FCRL5: variants seen among roughly 807,000 people sequenced by gnomAD.
FCRL5 encodes Fc receptor like 5, also known as Fc receptor-like protein 5.
In FCRL5, 79 loss-of-function variants were observed where a neutral mutation model predicts 92.1. The observed-to-expected ratio is 0.86, with a 90% confidence interval of 0.72 to 1.03. FCRL5 has a LOEUF of 1.03. Among genes scored for constraint, FCRL5 ranks in the 50% least tolerant of loss-of-function variants. The pLI, the probability that FCRL5 is intolerant of heterozygous loss-of-function variation, is 0.00. For missense variants in FCRL5, 1,160 were observed against 1,181.1 expected, an observed-to-expected ratio of 0.98 and a Z score of 0.26; for synonymous variants, 466 against 469.3, an observed-to-expected ratio of 0.99 and a Z score of 0.09.
intron 1 of FCRL5, 83 bp from the exon 2 acceptor site, chr1:157,549,663 A>AATTCCC: frequency 8.0e-7 from 1 of 1,255,284 alleles, no homozygotes; most frequent in Non-Finnish European, 1.1e-6. Flanking sequence ...TTACCCATGC[A>AATTCCC]TGTATTACTT....
In FCRL5 at chr1:157,547,084, T is replaced by A. The variant is rs1222906650; in HGVS notation, c.166A>T (p.Lys56Ter). The A allele has an allele frequency of 1.9e-6, 3 of 1,614,102 alleles. No homozygotes were observed. The highest frequency in any genetic ancestry group is 2.5e-6 in the Non-Finnish European group (3 of 1,180,050). Residue 56 changes from lysine (K) to a stop codon, truncating the protein, a stop_gained, in exon 3 of 17, where the codon AAA (lysine) becomes TAA (stop). Coordinates refer to ENST00000361835, the MANE Select transcript of FCRL5 (RefSeq NM_031281.3). LOFTEE classifies it high-confidence loss of function. ...TTCCCAAGGTACCGATGGTACCATT[T>A]TGTTTTCTGTGGTGAGTAGAAGCGA... ...GFRFYSPQKT[K>*]WYHRYLGKEI...
intron 12 of FCRL5, 49 bp from the exon 13 acceptor site, chr1:157,519,819 A>G (rs760724274): frequency 1.3e-6 from 2 of 1,586,682 alleles, no homozygotes; most frequent in East Asian, 4.5e-5. Context: ...TGAGACCCTC[A>G]GTGGGGCACA....
chr1:157,531,277 C>T (rs760950133), intron 8 of FCRL5, among the ~76,000 whole-genome samples: 1 of 152,124 alleles, frequency 6.6e-6, no homozygotes, highest in East Asian at 1.9e-4. Flanking sequence ...GAAGTATAAC[C>T]TCACTCCAGT....
rs750435883 is a variant in FCRL5, at chr1:157,524,324, C to A, written c.2194G>T (p.Gly732Cys). ...ATCTCACTGCGCTGGGCCTCCAGAC[C>A]ATTGTCTGCCTCACAGGAGTAGATT... ...SGIYSCEADNGLEAQRSEMVT... is the reference protein window; with the variant it reads ...SGIYSCEADNCLEAQRSEMVT... The change falls in exon 10 of 17, where the codon GGT becomes TGT. Residue 732 changes from glycine to cysteine, a missense_variant. Transcript: ENST00000361835. 4.0e-5 allele frequency: 64 copies of A among 1,614,160 alleles called. No individual in the cohort carries two copies. Among genetic ancestry groups the A allele is most frequent in the Non-Finnish European group, 5.2e-5 (61 of 1,180,058 alleles).
chr1:157,526,009 A>G (rs1336668186), intron 9 of FCRL5, among the ~76,000 whole-genome samples: 1 of 152,246 alleles, frequency 6.6e-6, no homozygotes, highest in African/African-American at 2.4e-5. Context: ...CCATTTATAC[A>G]TGACATACCC....
At chr1:157,542,771 A>G (rs1462595910) in intron 6 of FCRL5, 88 bp downstream of exon 6, 64 of 1,429,606 alleles carry the variant, frequency 4.5e-5, no homozygotes, top group Non-Finnish European at 5.9e-5. Flanking sequence ...AACTGAGGAT[A>G]CTGGAAGGTA....
chr1:157,538,872 A>G (rs750417559), intron 7 of FCRL5, among the ~76,000 whole-genome samples: 14 of 152,242 alleles, frequency 9.2e-5, no homozygotes, highest in Non-Finnish European at 1.9e-4. Context: ...AAGCTGCTAC[A>G]TCATTAGGCA....
Position 157,524,469 on chromosome 1 carries a change from C to CA in FCRL5, c.2048dup (p.Arg684GlufsTer13). ...AGTACAGGATTGGGGAGGAGCCTCTCAGGGCCTCACAGTGAAGCTCCAGCA... is the reference window on the plus strand; with the variant it reads ...AGTACAGGATTGGGGAGGAGCCTCTCAAGGGCCTCACAGTGAAGCTCCAGCA... On this transcript the variant is annotated frameshift_variant, in exon 10 of 17. Coordinates refer to ENST00000361835, the MANE Select transcript of FCRL5 (RefSeq NM_031281.3). LOFTEE classifies it high-confidence loss of function. 6.2e-7 allele frequency: 1 copy of CA among 1,614,222 alleles called. No homozygotes were observed. Among genetic ancestry groups the CA allele is most frequent in the Non-Finnish European group, 8.5e-7 (1 of 1,180,032 alleles).
rs750153521 is a variant in FCRL5, at chr1:157,544,356, C to T, written c.750G>A (p.Met250Ile). Reference sequence around the variant, plus strand: ...AGTAGAACCCTGAATCTTTACTCCACATGGCAGTAATCTGGAAATTCGGGG... The same window carrying T: ...AGTAGAACCCTGAATCTTTACTCCATATGGCAGTAATCTGGAAATTCGGGG... ...SLSPNFQITA[M>I]WSKDSGFYWC... is the part of the protein sequence containing the mutation. The change falls in exon 5 of 17, where the codon ATG becomes ATA. Residue 250 changes from methionine to isoleucine, a missense_variant. Met to Ile is a conservative substitution (Grantham distance 10, BLOSUM62 1). Coordinates refer to ENST00000361835, the MANE Select transcript of FCRL5 (RefSeq NM_031281.3). 9 of 1,614,094 alleles carry T rather than the reference C, an allele frequency of 5.6e-6. 1 individual carries two copies. The highest frequency in any genetic ancestry group is 7.6e-6 in the Non-Finnish European group (9 of 1,180,044).
At position 157,537,358 on chromosome 1, in the gene FCRL5, G is replaced by A. The variant is rs117684913; in HGVS notation, c.1402+1728C>T. On this transcript the variant is annotated intron_variant, in intron 7 of 16. Coordinates refer to ENST00000361835, the MANE Select transcript of FCRL5 (RefSeq NM_031281.3). ...GTTGCTGAGGGATGAAATAAGCTCTGGTCTCCTGTAGTGCTCCCAGGCTTA... is the reference window on the plus strand; with the variant it reads ...GTTGCTGAGGGATGAAATAAGCTCTAGTCTCCTGTAGTGCTCCCAGGCTTA... 1.5e-3 allele frequency among the ~76,000 whole-genome samples: 232 copies of A among 152,228 alleles called. 8 individuals carry two copies. In the East Asian group the frequency reaches 0.033, roughly 22 times the overall value.
At chr1:157,528,020 T>C in intron 8 of FCRL5, 125 bp from the exon 9 acceptor site, 1 of 1,145,676 alleles carries the variant, frequency 8.7e-7, no homozygotes, top group Non-Finnish European at 1.2e-6. Flanking sequence ...GAGGAAGAAG[T>C]CAAATTGTTG....
Position 157,543,140 on chromosome 1 carries a change from G to C in FCRL5, c.845-3C>G. The stretch of plus-strand genomic sequence containing the variant: ...GAGGACAGGATGAGATGCAGGGACT[G>C]AGCAAGAGAAAAAATTAGTCAAGAA... On this transcript the variant is annotated splice_region_variant and splice_polypyrimidine_tract_variant and intron_variant, in intron 5 of 16. Transcript: ENST00000361835. 1 of 1,610,084 alleles carries C rather than the reference G, an allele frequency of 6.2e-7. No homozygotes were observed. Among genetic ancestry groups the C allele is most frequent in the Non-Finnish European group, 8.5e-7 (1 of 1,178,018 alleles).
At position 157,542,668 on chromosome 1, in the gene FCRL5, C is replaced by A. The variant is rs1558139370; in HGVS notation, c.1123+191G>T. ...GCACCATCAGGCAGGGGTATAAGGG[C>A]ACCTAGACTGCAATGCAACGAGACT... On this transcript the variant is annotated intron_variant, in intron 6 of 16. Coordinates refer to ENST00000361835, the MANE Select transcript of FCRL5 (RefSeq NM_031281.3). The A allele has an allele frequency of 4.0e-5, 27 of 679,250 alleles. No individual in the cohort carries two copies. In the South Asian group the frequency reaches 5.6e-4, roughly 14 times the overall value. The allele number at this position is 679,250 out of a possible 1,614,324, so 42.1% of individuals were successfully genotyped here.
Position 157,521,067 on chromosome 1 carries a change from T to C in FCRL5, c.2465A>G (p.Asp822Gly), listed in dbSNP as rs752961202. Reference protein sequence around the residue: ...EHSGNYSCEADNGLGAQRSET... With the variant: ...EHSGNYSCEAGNGLGAQRSET... ...ACTGCGCTGGGCCCCGAGGCCATTG[T>C]CGGCCTCACAGGAGTAGTTTCCAGA... The change falls in exon 11 of 17, where the codon GAC (aspartate) becomes GGC (glycine). Residue 822 changes from aspartate to glycine, a missense_variant. Asp to Gly is a moderately conservative substitution (Grantham distance 94). Coordinates refer to ENST00000361835, the MANE Select transcript of FCRL5 (RefSeq NM_031281.3). 3.1e-6 allele frequency: 5 copies of C among 1,613,934 alleles called. No homozygotes were observed. Among genetic ancestry groups the C allele is most frequent in the African/African-American group, 1.3e-5 (1 of 74,932 alleles).
intron 6 of FCRL5, 150 bp downstream of exon 6, chr1:157,542,709 T>A (rs1651322264): frequency 2.1e-6 from 2 of 942,662 alleles, no homozygotes; most frequent in African/African-American, 1.6e-5. Context: ...GGCAGACAGC[T>A]GGTTCAGTGA....
At chr1:157,547,689 A>G (rs1651622725) in intron 2 of FCRL5, among the ~76,000 whole-genome samples, 1 of 152,202 alleles carries the variant, frequency 6.6e-6, no homozygotes, top group South Asian at 2.1e-4. Context: ...GAAGAATCCC[A>G]TCACAGCTAA....
Position 157,519,905 on chromosome 1 carries a change from G to A in FCRL5, c.2633-135C>T. 3.3e-6 allele frequency: 3 copies of A among 913,528 alleles called. No individual in the cohort carries two copies. The South Asian group carries it at 4.5e-5, about 14-fold the overall frequency. 56.6% of individuals were successfully genotyped at this position (913,528 alleles called of 1,614,324 possible). ...TTGAATCCTTCTTTGTTATGCCCCA[G>A]GGAGGTAGCAGATTGGGCAAAAACT... On this transcript the variant is annotated intron_variant, in intron 12 of 16. Transcript: ENST00000361835.
chr1:157,538,443 AG>A (rs965925524), intron 7 of FCRL5, among the ~76,000 whole-genome samples: 69 of 152,336 alleles, frequency 4.5e-4, no homozygotes, highest in African/African-American at 1.5e-3. Context: ...CAAAGCTCAA[AG>A]GAAACCTTTT....
intron 2 of FCRL5, 33 bp from the exon 3 acceptor site, chr1:157,547,230 G>A (rs756580225): frequency 8.1e-6 from 13 of 1,610,392 alleles, no homozygotes; most frequent in Non-Finnish European, 1.0e-5. Flanking sequence ...GTCTGAGGTG[G>A]AGGCGCCTGC....
Sources: gnomAD v4.1 joint callset for allele counts (sites outside exome capture counted in the v4.1 genomes callset) on GRCh38, gnomAD v4.1.1 for gene constraint, MANE v1.5 for transcripts, NCBI Gene and HGNC (gene_info 2026-07-23, HGNC 2026-07-21) for gene names.